SLC36A1: variants seen among roughly 807,000 people sequenced by gnomAD.
The protein encoded by SLC36A1 is solute carrier family 36 member 1.
In SLC36A1, 30 loss-of-function variants were observed where a neutral mutation model predicts 47.5. That is an observed-to-expected ratio of 0.63 (90% CI 0.47 to 0.86). The LOEUF is 0.86. Among genes scored for constraint, SLC36A1 ranks in the 40% least tolerant of loss-of-function variants. SLC36A1 has a pLI of 0.00. For synonymous variants in SLC36A1, 255 were observed against 249.7 expected (o/e 1.02, Z -0.20); for missense variants, 517 against 606.0 (o/e 0.85, Z 1.54).
chr5:151,389,592 T>C, the SLC36A1 span, among the ~76,000 whole-genome samples: 1 of 96,964 alleles, frequency 1.0e-5, no homozygotes, highest in African/African-American at 6.1e-5. Flanking sequence ...TGGTGTGTGA[T>C]GCTCCCCTTC....
At chr5:151,498,390 G>A in the SLC36A1 span, among the ~76,000 whole-genome samples, 3 of 152,150 alleles carry the variant, frequency 2.0e-5, no homozygotes, top group Admixed American at 1.3e-4. Context: ...ACTATGCTAA[G>A]CACTTTATGT....
chr5:151,466,478 C>G (rs1365227831), intron 5 of SLC36A1, among the ~76,000 whole-genome samples: 2 of 152,266 alleles, frequency 1.3e-5, no homozygotes, highest in South Asian at 2.1e-4. Flanking sequence ...TTAACACATT[C>G]TTTTTAACTG....
upstream of SLC36A1, among the ~76,000 whole-genome samples, chr5:151,446,480 A>G (rs983855333): frequency 2.6e-5 from 4 of 152,204 alleles, no homozygotes; most frequent in African/African-American, 7.2e-5. Context: ...CAGTGAGCCA[A>G]GATTGCACCA....
At chr5:151,498,377 C>T in the SLC36A1 span, among the ~76,000 whole-genome samples, 1 of 152,178 alleles carries the variant, frequency 6.6e-6, no homozygotes. Flanking sequence ...ATTCAGTATA[C>T]AAACTATGCT....
the SLC36A1 span, chr5:151,544,036 AG>A: frequency 6.2e-7 from 1 of 1,614,206 alleles, no homozygotes. Context: ...GACAACCACA[AG>A]GGTTTCACCA....
intron 1 of SLC36A1, among the ~76,000 whole-genome samples, chr5:151,456,423 G>C (rs571830596): frequency 3.9e-5 from 6 of 152,362 alleles, no homozygotes; most frequent in Non-Finnish European, 8.8e-5. Context: ...ATGGTTCACA[G>C]GTACTAAGCA....
chr5:151,522,253 A>T, the SLC36A1 span: 1 of 568,506 alleles, frequency 1.8e-6, no homozygotes, highest in South Asian at 2.7e-5. Flanking sequence ...CTCCAAAAGC[A>T]CTGACAGAAA....
At chr5:151,474,793 A>G (rs955537884) in intron 8 of SLC36A1, among the ~76,000 whole-genome samples, 2 of 152,268 alleles carry the variant, frequency 1.3e-5, no homozygotes, top group African/African-American at 4.8e-5. Context: ...TAATAATGGT[A>G]CAAAACTCTT....
Position 151,479,448 on chromosome 5 carries a change from T to C in SLC36A1, c.1118T>C (p.Val373Ala). ...CGAGCGCCCGAGCACTGTGAGTTAG[T>C]GGTGGACCTGTTTGTGCGCACAGTG... The part of the protein sequence containing the change: ...VSRAPEHCEL[V>A]VDLFVRTVLV... Residue 373 changes from valine (V) to alanine (A), a missense_variant, in exon 10 of 11, where the codon GTG becomes GCG. Coordinates refer to ENST00000243389, the MANE Select transcript of SLC36A1 (RefSeq NM_078483.4). 6.2e-7 allele frequency: 1 copy of C among 1,614,214 alleles called. No individual in the cohort carries two copies. Among genetic ancestry groups the C allele is most frequent in the Non-Finnish European group, 8.5e-7 (1 of 1,180,034 alleles).
At chr5:151,364,444 T>G in the SLC36A1 span, among the ~76,000 whole-genome samples, 1 of 152,234 alleles carries the variant, frequency 6.6e-6, no homozygotes, top group Non-Finnish European at 1.5e-5. Context: ...TCATCATCAA[T>G]GCATGAGGGT....
the SLC36A1 span, among the ~76,000 whole-genome samples, chr5:151,430,854 C>T: frequency 1.3e-5 from 2 of 152,234 alleles, no homozygotes; most frequent in African/African-American, 4.8e-5. Context: ...TCCTCTAACA[C>T]AAAGCCTTGC....
the SLC36A1 span, among the ~76,000 whole-genome samples, chr5:151,390,930 T>C: frequency 1.9e-4 from 29 of 152,352 alleles, no homozygotes; most frequent in South Asian, 6.0e-3. Flanking sequence ...GTCGTTTTTT[T>C]CCAATTCTGT....
the SLC36A1 span, among the ~76,000 whole-genome samples, chr5:151,389,064 G>A: frequency 6.2e-4 from 95 of 152,166 alleles, 1 homozygote; most frequent in African/African-American, 1.6e-3. Context: ...ATATCTCATC[G>A]CCTACAGGAA....
upstream of SLC36A1, among the ~76,000 whole-genome samples, chr5:151,436,463 A>G (rs576906309): frequency 2.0e-5 from 3 of 152,096 alleles, no homozygotes; most frequent in African/African-American, 4.8e-5. Context: ...AATTATGATC[A>G]AGGACTCCAA....
the SLC36A1 span, chr5:151,347,232 G>T: frequency 6.3e-7 from 1 of 1,597,116 alleles, no homozygotes; most frequent in Non-Finnish European, 8.6e-7. Flanking sequence ...CCCACCTCAG[G>T]GTTTTTGCCA....
At chr5:151,537,297 G>A in the SLC36A1 span, among the ~76,000 whole-genome samples, 1 of 143,064 alleles carries the variant, frequency 7.0e-6, no homozygotes. Context: ...GGAGGAGGAG[G>A]GAGAGAGGGA....
At chr5:151,536,062 A>C in the SLC36A1 span, among the ~76,000 whole-genome samples, 5 of 152,186 alleles carry the variant, frequency 3.3e-5, no homozygotes, top group Admixed American at 6.5e-5. Flanking sequence ...AATTATATAG[A>C]GATTTTGGAG....
At chr5:151,549,561 G>A in the SLC36A1 span, 1 of 1,513,892 alleles carries the variant, frequency 6.6e-7, no homozygotes, top group Non-Finnish European at 9.2e-7. Context: ...GAGGAGGCAG[G>A]GTTAGGGTAA....
At chr5:151,426,155 T>C in the SLC36A1 span, among the ~76,000 whole-genome samples, 1 of 152,226 alleles carries the variant, frequency 6.6e-6, no homozygotes, top group Non-Finnish European at 1.5e-5. Flanking sequence ...TGGTTGTGTC[T>C]GAAGGGGGCC....
Sources: gnomAD v4.1 joint callset for allele counts (sites outside exome capture counted in the v4.1 genomes callset) on GRCh38, gnomAD v4.1.1 for gene constraint, MANE v1.5 for transcripts, NCBI Gene and HGNC (gene_info 2026-07-23, HGNC 2026-07-21) for gene names.